The following PRR5L variants were observed in gnomAD, a reference collection of about 807,000 sequenced individuals.
PRR5L encodes proline rich 5 like.
In PRR5L, 21 loss-of-function variants were observed where a neutral mutation model predicts 36.4. The observed-to-expected ratio is 0.58, with a 90% CI of 0.41 to 0.83. The LOEUF (loss-of-function observed/expected upper bound fraction) is 0.83. PRR5L is among the 40% of genes least tolerant of loss of function. PRR5L has a pLI of 0.00. For missense variants in PRR5L, 381 were observed against 473.3 expected (o/e 0.80, Z 1.81); for synonymous variants, 188 against 197.0 (o/e 0.95, Z 0.38).
In PRR5L at chr11:36,399,161, T is replaced by C. The variant is rs149769296; in HGVS notation, c.-125-1836T>C. Among the ~76,000 whole-genome samples, 312 of 152,218 alleles carry C rather than the reference T, an allele frequency of 2.0e-3. 4 individuals are homozygous for C. The highest frequency in any genetic ancestry group is 6.8e-3 in the Middle Eastern group (2 of 294). ...CACGTTGCAGTGGCATTTATGAAGCTGCTGAGGCCTTCTGAAACTTGACAG... is the reference window on the plus strand; with the variant it reads ...CACGTTGCAGTGGCATTTATGAAGCCGCTGAGGCCTTCTGAAACTTGACAG... On this transcript the variant is annotated intron_variant, in intron 1 of 8. Coordinates refer to ENST00000530639, the MANE Select transcript of PRR5L (RefSeq NM_001160167.2).
intron 1 of PRR5L, among the ~76,000 whole-genome samples, chr11:36,371,508 C>T (rs576855756): frequency 3.3e-5 from 5 of 152,324 alleles, no homozygotes; most frequent in Non-Finnish European, 4.4e-5. Context: ...ATGTTGCACA[C>T]GGCTGGGAGA....
intron 1 of PRR5L, among the ~76,000 whole-genome samples, chr11:36,309,304 C>T (rs924127492): frequency 3.3e-5 from 5 of 152,160 alleles, no homozygotes; most frequent in African/African-American, 9.7e-5. Flanking sequence ...ATCATCAATA[C>T]GCAAATGTAG....
At chr11:36,410,942 C>T (rs765868602) in intron 3 of PRR5L, among the ~76,000 whole-genome samples, 5 of 152,192 alleles carry the variant, frequency 3.3e-5, no homozygotes, top group South Asian at 2.1e-4. Context: ...GATCTTGAGG[C>T]GGTCTGGGCG....
chr11:36,373,598 TAAAAAA>T (rs560773054), intron 1 of PRR5L, among the ~76,000 whole-genome samples: 1 of 136,464 alleles, frequency 7.3e-6, no homozygotes, highest in East Asian at 2.1e-4. Context: ...GACTCTGTTT[TAAAAAA>T]AAAAAAAAAA....
chr11:36,422,488 C>T (rs1464429563), intron 4 of PRR5L, among the ~76,000 whole-genome samples: 1 of 152,154 alleles, frequency 6.6e-6, no homozygotes, highest in Non-Finnish European at 1.5e-5. Flanking sequence ...CTCAGATGGC[C>T]ATGCCTAGAC....
chr11:36,338,924 G>C (rs149161583), intron 1 of PRR5L, among the ~76,000 whole-genome samples: 115 of 152,262 alleles, frequency 7.6e-4, no homozygotes, highest in African/African-American at 2.7e-3. Context: ...ACGGGGGCCC[G>C]TCTTTCCCGT....
At chr11:36,421,773 T>C (rs1858270592) in intron 4 of PRR5L, among the ~76,000 whole-genome samples, 1 of 134,010 alleles carries the variant, frequency 7.5e-6, no homozygotes, top group Non-Finnish European at 1.7e-5. Context: ...ACTGCTCTCC[T>C]CTTTTATTTT....
At position 36,351,544 on chromosome 11, in the gene PRR5L, T is replaced by C. The variant is rs1353163502; in HGVS notation, c.-125-49453T>C. 2.6e-3 allele frequency among the ~76,000 whole-genome samples: 28 copies of C among 10,718 alleles called. 2 individuals carry two copies. The highest frequency in any genetic ancestry group is 6.4e-3 in the South Asian group (2 of 312). 7.0% of individuals were successfully genotyped at this position (10,718 alleles called of 152,430 possible). A position where few individuals can be genotyped will look rare whatever the true frequency, so the allele number is the denominator to read the frequency against. On this transcript the variant is annotated intron_variant, in intron 1 of 8. Transcript: ENST00000530639. ...ATTTATATATTTATATAAATATATA[T>C]TTATATATATTTATATATTTATATA...
intron 3 of PRR5L, among the ~76,000 whole-genome samples, chr11:36,414,319 CA>C (rs1858094826): frequency 6.7e-6 from 1 of 149,630 alleles, no homozygotes; most frequent in East Asian, 2.0e-4. Flanking sequence ...AACTAGTTTA[CA>C]GTCCCACCAA....
chr11:36,319,415 C>G (rs1425796295), intron 1 of PRR5L, among the ~76,000 whole-genome samples: 2 of 152,318 alleles, frequency 1.3e-5, no homozygotes, highest in East Asian at 3.9e-4. Flanking sequence ...TCTAGCGGCA[C>G]CTGACTTTTA....
chr11:36,358,837 T>C (rs1290905276), intron 1 of PRR5L, among the ~76,000 whole-genome samples: 1 of 152,152 alleles, frequency 6.6e-6, no homozygotes, highest in East Asian at 1.9e-4. Context: ...ATGAAGATAC[T>C]GAAGAGGAAG....
chr11:36,339,287 T>A (rs1856797023), intron 1 of PRR5L, among the ~76,000 whole-genome samples: 1 of 152,174 alleles, frequency 6.6e-6, no homozygotes, highest in Non-Finnish European at 1.5e-5. Context: ...AGAGACATGG[T>A]TTTGCCATGT....
At chr11:36,428,886 G>A (rs1858436584) in intron 4 of PRR5L, among the ~76,000 whole-genome samples, 1 of 152,182 alleles carries the variant, frequency 6.6e-6, no homozygotes, top group South Asian at 2.1e-4. Context: ...AGGAGAGAAT[G>A]TATAGATGAT....
chr11:36,442,663 T>C (rs1394635080), intron 6 of PRR5L, among the ~76,000 whole-genome samples: 1 of 149,452 alleles, frequency 6.7e-6, no homozygotes, highest in African/African-American at 2.5e-5. Context: ...TACCAGATAC[T>C]CTAAGTCATC....
chr11:36,341,165 C>T (rs890649571), intron 1 of PRR5L, among the ~76,000 whole-genome samples: 3 of 152,166 alleles, frequency 2.0e-5, no homozygotes, highest in African/African-American at 7.2e-5. Flanking sequence ...CTTCCTGAGC[C>T]TCCCTGTGCT....
At chr11:36,331,571 A>G (rs1212627142) in intron 1 of PRR5L, among the ~76,000 whole-genome samples, 3 of 152,252 alleles carry the variant, frequency 2.0e-5, no homozygotes, top group African/African-American at 7.2e-5. Context: ...ACAAACTTTC[A>G]TAACTTCCTA....
chr11:36,316,590 A>C (rs1856560027), intron 1 of PRR5L, among the ~76,000 whole-genome samples: 1 of 152,060 alleles, frequency 6.6e-6, no homozygotes, highest in Non-Finnish European at 1.5e-5. Flanking sequence ...CCTGGGTCAG[A>C]TCACAGAACT....
At chr11:36,419,747 C>G (rs772941821) in intron 4 of PRR5L, among the ~76,000 whole-genome samples, 1 of 152,176 alleles carries the variant, frequency 6.6e-6, no homozygotes. Flanking sequence ...CAGTTGGATT[C>G]TTATATCTGC....
intron 1 of PRR5L, among the ~76,000 whole-genome samples, chr11:36,370,326 A>T (rs536721719): frequency 1.3e-5 from 2 of 152,204 alleles, no homozygotes; most frequent in South Asian, 2.1e-4. Flanking sequence ...ATCCTTGATG[A>T]CCCTATGTAA....
Sources: gnomAD v4.1 joint callset for allele counts (sites outside exome capture counted in the v4.1 genomes callset) on GRCh38, gnomAD v4.1.1 for gene constraint, MANE v1.5 for transcripts, NCBI Gene and HGNC (gene_info 2026-07-23, HGNC 2026-07-21) for gene names.